The following PCDHA8 variants were observed in gnomAD, a reference collection of about 807,000 sequenced individuals.
The protein encoded by PCDHA8 is protocadherin alpha-8.
A neutral mutation model predicts 61.8 loss-of-function variants in PCDHA8; 53 were observed. The ratio of observed to expected loss-of-function variants is 0.86; its 90% confidence interval spans 0.69 to 1.08. The LOEUF (loss-of-function observed/expected upper bound fraction) is 1.08. Ranked by LOEUF, PCDHA8 falls within the 50% of genes least tolerant of loss-of-function variation. PCDHA8 has a pLI of 0.00. For missense variants in PCDHA8, 1,293 were observed against 1,245.0 expected (o/e 1.04, Z -0.58); for synonymous variants, 618 against 556.6 (o/e 1.11, Z -1.55).
chr5:140,887,955 CTTTT>C (rs2061644555), intron 1 of PCDHA8, among the ~76,000 whole-genome samples: 2 of 152,088 alleles, frequency 1.3e-5, no homozygotes, highest in African/African-American at 4.8e-5. Flanking sequence ...GTATAAGATT[CTTTT>C]TGTCTCTTTT....
At chr5:140,852,926 T>A in intron 1 of PCDHA8, 3 of 649,848 alleles carry the variant, frequency 4.6e-6, no homozygotes, top group Non-Finnish European at 5.9e-6. Flanking sequence ...TTGCCCAGGC[T>A]GGAGTGCAGT....
intron 3 of PCDHA8, among the ~76,000 whole-genome samples, chr5:141,000,343 C>G (rs1410684542): frequency 1.7e-5 from 2 of 116,202 alleles, no homozygotes; most frequent in Admixed American, 9.0e-5. Context: ...GGCCCTATCT[C>G]TCTCTCTGTC....
chr5:140,895,668 T>C (rs2065102216), intron 1 of PCDHA8, among the ~76,000 whole-genome samples: 1 of 152,170 alleles, frequency 6.6e-6, no homozygotes, highest in South Asian at 2.1e-4. Flanking sequence ...TGAGAACATG[T>C]AGTATTTGGT....
At chr5:140,844,829 G>A (rs1252495421) in intron 1 of PCDHA8, among the ~76,000 whole-genome samples, 1 of 148,848 alleles carries the variant, frequency 6.7e-6, no homozygotes, top group East Asian at 1.9e-4. Flanking sequence ...CTTTTTACAC[G>A]TTTGCTTCTT....
chr5:140,842,235 G>T lies in PCDHA8; in HGVS notation c.914G>T (p.Arg305Leu), dbSNP rs201880118. 1 of 1,612,410 alleles carries T rather than the reference G, an allele frequency of 6.2e-7. No homozygotes were observed. The highest frequency in any genetic ancestry group is 8.5e-7 in the Non-Finnish European group (1 of 1,178,796). The change falls in exon 1 of 4, where the codon CGG becomes CTG. Residue 305 changes from arginine (R) to leucine (L), a missense_variant. Arg to Leu is a moderately radical substitution (Grantham distance 102). Transcript: ENST00000531613. ...IDRNTGEIVI[R>L]GNLDFEQENL... ...CGAAATACGGGAGAAATAGTGATTC[G>T]GGGTAATTTGGATTTTGAACAAGAA...
intron 1 of PCDHA8, chr5:140,876,833 C>A: frequency 1.2e-6 from 2 of 1,614,176 alleles, no homozygotes; most frequent in Admixed American, 1.7e-5. Flanking sequence ...AATGCGCCTG[C>A]GTTCGCGCAG....
intron 1 of PCDHA8, chr5:140,866,098 T>C (rs555628749): frequency 6.6e-6 from 1 of 152,318 alleles, no homozygotes; most frequent in African/African-American, 2.4e-5. Context: ...AATTGTTAAG[T>C]AATTAAGAGT....
At chr5:140,897,486 A>G (rs183789033) in intron 1 of PCDHA8, among the ~76,000 whole-genome samples, 2 of 151,962 alleles carry the variant, frequency 1.3e-5, no homozygotes, top group Admixed American at 6.5e-5. Flanking sequence ...ATGATTTCCA[A>G]TTTCAACCAT....
At chr5:140,882,319 G>A in intron 1 of PCDHA8, 1 of 1,614,136 alleles carries the variant, frequency 6.2e-7, no homozygotes, top group Admixed American at 1.7e-5. Context: ...TACTGCTCTG[G>A]CTTCTGATCC....
Position 140,841,459 on chromosome 5 carries a change from C to T in PCDHA8, c.138C>T (p.Gly46=). The T allele has an allele frequency of 1.2e-6, 2 of 1,612,886 alleles. No individual in the cohort carries two copies. Among genetic ancestry groups the T allele is most frequent in the South Asian group, 1.1e-5 (1 of 91,018 alleles). The stretch of plus-strand genomic sequence containing the variant: ...AGGCCAAACACGGCACCTTCGTGGG[C>T]CGGATCGCGCAGGACCTGGGGCTGG... ...PEEAKHGTFV[G]RIAQDLGLEL... The change falls in exon 1 of 4, where the codon GGC becomes GGT. Residue 46 remains glycine (G), a synonymous_variant. Coordinates refer to ENST00000531613, the MANE Select transcript of PCDHA8 (RefSeq NM_018911.3).
In PCDHA8 at chr5:140,975,255, C is replaced by A. The variant is rs530385456; in HGVS notation, c.2395-3694C>A. On this transcript the variant is annotated intron_variant, in intron 1 of 3. Transcript: ENST00000531613. ...ATGGAATCCCTCTTATGCTTCAGAT[C>A]TCTCTGATTTCTGTCTCTGACCTCT... Among the ~76,000 whole-genome samples, 6 of 152,334 alleles carry A rather than the reference C, an allele frequency of 3.9e-5. No individual in the cohort carries two copies. In the South Asian group the frequency reaches 1.2e-3, roughly 32 times the overall value.
rs1554145927 is a variant in PCDHA8, at chr5:140,852,587, T to TA, written c.2394+8872_2394+8873insA. ...CACTGTGCCAAGGCTTTTTTATTTT[T>TA]TTTTTTTGTCATTTTCTTTCAAAAC... On this transcript the variant is annotated intron_variant, in intron 1 of 3. Coordinates refer to ENST00000531613, the MANE Select transcript of PCDHA8 (RefSeq NM_018911.3). 484 of 881,862 alleles carry TA rather than the reference T, an allele frequency of 5.5e-4. 26 individuals are homozygous for TA. Among genetic ancestry groups the TA allele is most frequent in the African/African-American group, 4.5e-3 (245 of 54,698 alleles). 54.6% of individuals were successfully genotyped at this position (881,862 alleles called of 1,614,324 possible). A position where few individuals can be genotyped will look rare whatever the true frequency, so the allele number is the denominator to read the frequency against.
At chr5:140,858,360 GC>G (rs1562537531) in intron 1 of PCDHA8, 1 of 1,592,532 alleles carries the variant, frequency 6.3e-7, no homozygotes. Context: ...ATGGCCTTCA[GC>G]CCCAGCCTTC....
chr5:140,926,828 C>T (rs2083578925), intron 1 of PCDHA8: 1 of 1,501,376 alleles, frequency 6.7e-7, no homozygotes, highest in African/African-American at 1.4e-5. Flanking sequence ...TCCAGGAGTC[C>T]GGAGCATGGT....
At chr5:140,863,248 G>T (rs782700291) in intron 1 of PCDHA8, 54 of 1,395,948 alleles carry the variant, frequency 3.9e-5, no homozygotes, top group Middle Eastern at 1.9e-4. Flanking sequence ...TTTGGCGGGC[G>T]TCGAGGTCCG....
intron 1 of PCDHA8, among the ~76,000 whole-genome samples, chr5:140,879,426 G>T (rs2057986144): frequency 6.6e-6 from 1 of 152,302 alleles, no homozygotes; most frequent in South Asian, 2.1e-4. Flanking sequence ...GAATGGAGAT[G>T]AACATTTAAG....
intron 1 of PCDHA8, among the ~76,000 whole-genome samples, chr5:140,960,614 G>A (rs1167351854): frequency 3.3e-5 from 5 of 152,130 alleles, no homozygotes; most frequent in African/African-American, 1.2e-4. Context: ...AATATCTAGT[G>A]TGTTTTTGAA....
chr5:140,959,525 C>G (rs1356711808), intron 1 of PCDHA8, among the ~76,000 whole-genome samples: 1 of 151,910 alleles, frequency 6.6e-6, no homozygotes, highest in Non-Finnish European at 1.5e-5. Flanking sequence ...TCTTTAAGAC[C>G]ATTAATTCAG....
chr5:140,843,689 G>A lies in PCDHA8; in HGVS notation c.2368G>A (p.Asp790Asn), dbSNP rs2150365146. 5 of 1,587,152 alleles carry A rather than the reference G, an allele frequency of 3.2e-6. 1 individual carries two copies. The highest frequency in any genetic ancestry group is 4.3e-6 in the Non-Finnish European group (5 of 1,157,468). The change falls in exon 1 of 4, where the codon GAT becomes AAT. Residue 790 changes from aspartate to asparagine, a missense_variant. By Grantham distance (23) the Asp-to-Asn change is conservative. Coordinates refer to ENST00000531613, the MANE Select transcript of PCDHA8 (RefSeq NM_018911.3). Reference protein sequence around the residue: ...LGSVDVGEEQDLNVDHGLKPR... With the variant: ...LGSVDVGEEQNLNVDHGLKPR... ...ATCAGTTGATGTAGGCGAAGAGCAAGATTTAAATGTTGATCATGGCCTCAA... is the reference window on the plus strand; with the variant it reads ...ATCAGTTGATGTAGGCGAAGAGCAAAATTTAAATGTTGATCATGGCCTCAA...
Sources: allele counts gnomAD v4.1 joint callset (sites outside exome capture counted in the v4.1 genomes callset), GRCh38; gene constraint gnomAD v4.1.1; transcripts MANE v1.5; gene names NCBI Gene and HGNC (gene_info 2026-07-23, HGNC 2026-07-21).